The following STIM2 variants were observed in gnomAD, a reference collection of about 807,000 sequenced individuals.
The protein encoded by STIM2 is stromal interaction molecule 2.
In STIM2, 31 loss-of-function variants were observed where a neutral mutation model predicts 85.8. The observed-to-expected ratio is 0.36, with a 90% CI of 0.27 to 0.49. STIM2 has a LOEUF of 0.49. STIM2 is among the 20% of genes least tolerant of loss of function. The probability of loss-of-function intolerance (pLI) is 0.98; values close to 1 mark genes in which losing one functional copy is unlikely to be tolerated. For missense variants in STIM2, 841 were observed against 927.6 expected (o/e 0.91, Z 1.21); for synonymous variants, 356 against 331.1 (o/e 1.08, Z -0.82).
rs904433548 is a variant in STIM2, at chr4:26,956,511, A to G, written c.283-1101A>G. On this transcript the variant is annotated intron_variant, in intron 2 of 11. Transcript: ENST00000467087. ...CAGGTTGGAGTGCAGTGGTGCAATC[A>G]TAGCTCACTGCAGCCTCAAACTCCT... is the stretch of plus-strand genomic sequence containing the variant. Among the ~76,000 whole-genome samples the G allele has an allele frequency of 2.0e-5, 3 of 150,668 alleles. No homozygotes were observed. In the South Asian group the frequency reaches 6.3e-4, roughly 32 times the overall value.
At chr4:26,989,659 G>A (rs561784207) in intron 3 of STIM2, among the ~76,000 whole-genome samples, 1 of 152,254 alleles carries the variant, frequency 6.6e-6, no homozygotes, top group East Asian at 1.9e-4. Flanking sequence ...CAAATTGAAA[G>A]GGAAGACGTC....
intron 1 of STIM2, among the ~76,000 whole-genome samples, chr4:26,908,319 C>T (rs1015399094): frequency 1.3e-5 from 2 of 152,206 alleles, no homozygotes; most frequent in Admixed American, 6.5e-5. Flanking sequence ...TGGATTTGGA[C>T]AGACGTGGGC....
chr4:26,996,937 G>A (rs1015665628), intron 4 of STIM2, among the ~76,000 whole-genome samples: 1 of 152,216 alleles, frequency 6.6e-6, no homozygotes, highest in South Asian at 2.1e-4. Context: ...AAGTAAAGAT[G>A]ATCAGAGATG....
At chr4:26,930,617 G>T (rs558484223) in intron 2 of STIM2, among the ~76,000 whole-genome samples, 3 of 152,122 alleles carry the variant, frequency 2.0e-5, no homozygotes, top group Non-Finnish European at 4.4e-5. Flanking sequence ...TCTTTGCCAT[G>T]ATTTTTATAC....
intron 1 of STIM2, among the ~76,000 whole-genome samples, chr4:26,868,266 A>G (rs1722477405): frequency 6.6e-6 from 1 of 152,196 alleles, no homozygotes; most frequent in Admixed American, 6.5e-5. Flanking sequence ...AAGTACCTGT[A>G]TCTGTCCAAG....
chr4:26,918,006 T>A (rs1724650673), intron 1 of STIM2, among the ~76,000 whole-genome samples: 1 of 152,130 alleles, frequency 6.6e-6, no homozygotes, highest in Non-Finnish European at 1.5e-5. Context: ...TTTTAGCAAA[T>A]CTTGACTGGC....
At chr4:26,982,692 A>G (rs761714682) in intron 3 of STIM2, among the ~76,000 whole-genome samples, 10 of 152,314 alleles carry the variant, frequency 6.6e-5, no homozygotes, top group Non-Finnish European at 1.0e-4. Context: ...AGATTTGGGC[A>G]CTAGGTATGT....
At chr4:26,906,279 T>A (rs1039212124) in intron 1 of STIM2, among the ~76,000 whole-genome samples, 1 of 151,682 alleles carries the variant, frequency 6.6e-6, no homozygotes, top group African/African-American at 2.4e-5. Context: ...AACTTGAGGG[T>A]GGAGGGTGGG....
rs570761202 is a variant in STIM2, at chr4:26,868,886, C to T, written c.151+7517C>T. Among the ~76,000 whole-genome samples, 87 of 152,274 alleles carry T rather than the reference C, an allele frequency of 5.7e-4. No homozygotes were observed. In the South Asian group the frequency reaches 9.7e-3, roughly 17 times the overall value. On this transcript the variant is annotated intron_variant, in intron 1 of 11. Transcript: ENST00000467087. ...CACATATTCAGACTGTATTAATCCT[C>T]GCCGTTTCTTTCTTCTGGGTACCAC... is the stretch of plus-strand genomic sequence containing the variant.
intron 3 of STIM2, among the ~76,000 whole-genome samples, chr4:26,994,639 A>C (rs1358042007): frequency 6.6e-6 from 1 of 152,064 alleles, no homozygotes; most frequent in African/African-American, 2.4e-5. Context: ...AAATTAGAAA[A>C]CTGTCCAGAG....
intron 1 of STIM2, among the ~76,000 whole-genome samples, chr4:26,917,816 G>A (rs1724641593): frequency 6.6e-6 from 1 of 152,110 alleles, no homozygotes; most frequent in Non-Finnish European, 1.5e-5. Context: ...TCTGCTGGAG[G>A]CAACTACGTA....
chr4:26,864,207 C>T (rs1377551496), intron 1 of STIM2, among the ~76,000 whole-genome samples: 1 of 151,936 alleles, frequency 6.6e-6, no homozygotes, highest in Non-Finnish European at 1.5e-5. Context: ...TGAGACAGAA[C>T]CAATATTCAT....
rs1266372581 is a variant in STIM2 at position 27,010,149 on chromosome 4, GT to G, written c.1489+1151del. 3.9e-5 allele frequency among the ~76,000 whole-genome samples: 6 copies of G among 152,110 alleles called. No homozygotes were observed. In the East Asian group the frequency reaches 1.2e-3, roughly 29 times the overall value. On this transcript the variant is annotated intron_variant, in intron 10 of 11. Coordinates refer to ENST00000467087, the MANE Select transcript of STIM2 (RefSeq NM_020860.4). ...TACAAGAGTTGATTTTAAATTTAAT[GT>G]TTTAGAAATGTTGTGATCAGGCCAG... is the stretch of plus-strand genomic sequence containing the variant.
At chr4:26,891,558 TACACACACACACACACACACACAC>T (rs71643700) in intron 1 of STIM2, among the ~76,000 whole-genome samples, 2 of 144,540 alleles carry the variant, frequency 1.4e-5, no homozygotes, top group African/African-American at 5.1e-5. Context: ...TATACATACA[TACACACACACACACACACACACAC>T]ACACACACAC....
At chr4:26,959,647 T>C (rs1448508531) in intron 3 of STIM2, among the ~76,000 whole-genome samples, 2 of 152,166 alleles carry the variant, frequency 1.3e-5, no homozygotes, top group African/African-American at 4.8e-5. Context: ...AAACTCCTTT[T>C]TGTTTTCCCA....
intron 10 of STIM2, among the ~76,000 whole-genome samples, chr4:27,013,705 T>C (rs574404653): frequency 8.6e-5 from 13 of 152,042 alleles, no homozygotes; most frequent in Non-Finnish European, 1.6e-4. Context: ...TGTGGAGATA[T>C]GTCAAAATTT....
intron 2 of STIM2, among the ~76,000 whole-genome samples, chr4:26,935,599 C>T (rs1188408651): frequency 6.6e-6 from 1 of 152,076 alleles, no homozygotes; most frequent in Non-Finnish European, 1.5e-5. Context: ...TGAGCCCCAC[C>T]CCAACCCTAC....
intron 1 of STIM2, among the ~76,000 whole-genome samples, chr4:26,890,640 C>T (rs951912690): frequency 4.6e-5 from 7 of 151,944 alleles, no homozygotes; most frequent in Admixed American, 2.0e-4. Context: ...CCAGCTAAAA[C>T]GTTGAAACCC....
At position 26,860,903 on chromosome 4, in the gene STIM2, C is replaced by G; in HGVS notation, c.-316C>G. The G allele has an allele frequency of 9.1e-7, 1 of 1,093,026 alleles. No individual in the cohort carries two copies. 67.7% of individuals were successfully genotyped at this position (1,093,026 alleles called of 1,614,324 possible). A position where few individuals can be genotyped will look rare whatever the true frequency, so the allele number is the denominator to read the frequency against. ...GGGTGTCGTGCACCGCCTGAAGACGCCGTACCTTTCTACCCCCCACCTTTT... is the reference window on the plus strand; with the variant it reads ...GGGTGTCGTGCACCGCCTGAAGACGGCGTACCTTTCTACCCCCCACCTTTT... On this transcript the variant is annotated 5_prime_UTR_variant, in exon 1 of 12. Coordinates refer to ENST00000467087, the MANE Select transcript of STIM2 (RefSeq NM_020860.4).
Sources: gnomAD v4.1 joint callset for allele counts (sites outside exome capture counted in the v4.1 genomes callset) on GRCh38, gnomAD v4.1.1 for gene constraint, MANE v1.5 for transcripts, NCBI Gene and HGNC (gene_info 2026-07-23, HGNC 2026-07-21) for gene names.